The following WDR7 variants were observed in gnomAD, a reference collection of about 807,000 sequenced individuals.
WDR7 encodes the protein WD repeat domain 7.
A neutral mutation model predicts 169.4 loss-of-function variants in WDR7; 46 were observed. The ratio of observed to expected loss-of-function variants is 0.27; its 90% CI spans 0.21 to 0.35. The LOEUF (loss-of-function observed/expected upper bound fraction) is 0.35. Among genes scored for constraint, WDR7 ranks in the 10% least tolerant of loss-of-function variants. The pLI is 1.00. For synonymous variants in WDR7, 612 were observed against 666.8 expected, an observed-to-expected ratio of 0.92 and a Z score of 1.27; for missense variants, 1,534 against 1,859.3, an observed-to-expected ratio of 0.83 and a Z score of 3.22.
At chr18:56,931,135 T>TA (rs2046878432) in intron 22 of WDR7, among the ~76,000 whole-genome samples, 1 of 152,150 alleles carries the variant, frequency 6.6e-6, no homozygotes, top group Non-Finnish European at 1.5e-5. Flanking sequence ...CTTTTTTTTT[T>TA]AGAATAAAGA....
chr18:56,956,075 A>C (rs2047246322), intron 25 of WDR7, among the ~76,000 whole-genome samples: 1 of 152,132 alleles, frequency 6.6e-6, no homozygotes, highest in Non-Finnish European at 1.5e-5. Flanking sequence ...ACTCAGCAGG[A>C]AATACTTATT....
At chr18:56,866,901 A>C (rs1411579681) in intron 20 of WDR7, among the ~76,000 whole-genome samples, 1 of 152,242 alleles carries the variant, frequency 6.6e-6, no homozygotes, top group Non-Finnish European at 1.5e-5. Flanking sequence ...TAAGGTGATG[A>C]ATATCCCAGT....
At chr18:56,937,297 C>A (rs1458078225) in intron 23 of WDR7, among the ~76,000 whole-genome samples, 1 of 151,990 alleles carries the variant, frequency 6.6e-6, no homozygotes, top group Non-Finnish European at 1.5e-5. Flanking sequence ...GAGGCTGAGG[C>A]AGGAGGATGG....
chr18:56,948,200 A>C (rs2047133179), intron 25 of WDR7, among the ~76,000 whole-genome samples: 1 of 152,114 alleles, frequency 6.6e-6, no homozygotes, highest in African/African-American at 2.4e-5. Context: ...GCACATTATA[A>C]GTAGCTTGAG....
At chr18:56,681,534 A>C in intron 4 of WDR7, 143 bp downstream of exon 4, 1 of 524,952 alleles carries the variant, frequency 1.9e-6, no homozygotes, top group Non-Finnish European at 3.2e-6. Flanking sequence ...TGAAGCGGTA[A>C]AAGTGTTCCT....
At chr18:56,830,183 G>A (rs919253349) in intron 20 of WDR7, among the ~76,000 whole-genome samples, 14 of 152,234 alleles carry the variant, frequency 9.2e-5, no homozygotes, top group East Asian at 1.9e-4. Flanking sequence ...TTTCAGTTGC[G>A]TTGATTTTGT....
chr18:56,720,858 A>G (rs1379542438), intron 13 of WDR7, among the ~76,000 whole-genome samples: 1 of 152,106 alleles, frequency 6.6e-6, no homozygotes, highest in Non-Finnish European at 1.5e-5. Flanking sequence ...CAATCAGTCA[A>G]TATGACATTC....
At chr18:56,753,792 C>A (rs2043830601) in intron 14 of WDR7, among the ~76,000 whole-genome samples, 1 of 151,884 alleles carries the variant, frequency 6.6e-6, no homozygotes, top group African/African-American at 2.4e-5. Context: ...TGTGAGGGGC[C>A]ATAGTTTTGG....
At position 56,831,261 on chromosome 18, in the gene WDR7, T is replaced by C. The variant is rs551165631; in HGVS notation, c.3304+15117T>C. On this transcript the variant is annotated intron_variant, in intron 20 of 27. Coordinates refer to ENST00000254442, the MANE Select transcript of WDR7 (RefSeq NM_015285.3). Reference sequence around the variant, plus strand: ...GTAAGTGGTTCCCTGTGAATGTGTATAGAGTGGGAACAGGGTCAGGACTAA... The same window carrying C: ...GTAAGTGGTTCCCTGTGAATGTGTACAGAGTGGGAACAGGGTCAGGACTAA... Among the ~76,000 whole-genome samples the C allele has an allele frequency of 3.3e-5, 5 of 152,150 alleles. No homozygotes were observed. The South Asian group carries it at 6.2e-4, about 19-fold the overall frequency.
At chr18:56,907,486 C>A (rs953587614) in intron 21 of WDR7, among the ~76,000 whole-genome samples, 4 of 152,056 alleles carry the variant, frequency 2.6e-5, no homozygotes, top group Non-Finnish European at 5.9e-5. Context: ...ACCATAATAA[C>A]CTCTTTGAGG....
chr18:56,710,433 G>T (rs371330581), intron 12 of WDR7, among the ~76,000 whole-genome samples: 2 of 151,912 alleles, frequency 1.3e-5, no homozygotes, highest in East Asian at 1.9e-4. Flanking sequence ...AATATTTTCC[G>T]ACTTATTTTG....
chr18:56,892,337 T>C (rs1385542289), intron 21 of WDR7, among the ~76,000 whole-genome samples: 1 of 152,164 alleles, frequency 6.6e-6, no homozygotes, highest in African/African-American at 2.4e-5. Flanking sequence ...TACATTCCAG[T>C]AGTCCATAGC....
At chr18:56,918,466 T>A (rs2046660404) in intron 21 of WDR7, among the ~76,000 whole-genome samples, 1 of 152,168 alleles carries the variant, frequency 6.6e-6, no homozygotes, top group African/African-American at 2.4e-5. Context: ...GTAAAATTTC[T>A]AAAAATAAAA....
At chr18:56,722,507 T>C (rs2144761342) in intron 13 of WDR7, among the ~76,000 whole-genome samples, 2 of 152,312 alleles carry the variant, frequency 1.3e-5, no homozygotes, top group South Asian at 4.1e-4. Context: ...CTTTTCATTC[T>C]GTTACAAAAC....
At chr18:57,000,547 T>C (rs2047961526) in intron 26 of WDR7, among the ~76,000 whole-genome samples, 1 of 152,208 alleles carries the variant, frequency 6.6e-6, no homozygotes, top group Non-Finnish European at 1.5e-5. Context: ...GTAATCTATT[T>C]TTGGAAGAGA....
At chr18:56,810,577 G>A (rs2044850892) in intron 19 of WDR7, among the ~76,000 whole-genome samples, 1 of 152,036 alleles carries the variant, frequency 6.6e-6, no homozygotes, top group African/African-American at 2.4e-5. Context: ...AAAATTTTAA[G>A]TAGAAAATTA....
chr18:56,903,096 G>C (rs1163530458), intron 21 of WDR7, among the ~76,000 whole-genome samples: 2 of 152,054 alleles, frequency 1.3e-5, no homozygotes, highest in Admixed American at 1.3e-4. Context: ...TAATGCCTTG[G>C]GTGGTAGTTA....
At chr18:56,743,196 G>T (rs890524759) in intron 14 of WDR7, among the ~76,000 whole-genome samples, 2 of 152,184 alleles carry the variant, frequency 1.3e-5, no homozygotes, top group Non-Finnish European at 2.9e-5. Flanking sequence ...TTTTGTCCGG[G>T]ATGATGAGGA....
chr18:56,664,870 T>C (rs1460249424), intron 1 of WDR7, among the ~76,000 whole-genome samples: 1 of 152,184 alleles, frequency 6.6e-6, no homozygotes, highest in Non-Finnish European at 1.5e-5. Flanking sequence ...TCATGTGGCT[T>C]AGGACAGGGC....
Sources: gnomAD v4.1 joint callset for allele counts (sites outside exome capture counted in the v4.1 genomes callset) on GRCh38, gnomAD v4.1.1 for gene constraint, MANE v1.5 for transcripts, NCBI Gene and HGNC (gene_info 2026-07-23, HGNC 2026-07-21) for gene names.